Variants in DPP10 observed in about 807,000 individuals in gnomAD.
DPP10 encodes dipeptidyl peptidase like 10, also known as inactive dipeptidyl peptidase 10.
A neutral mutation model predicts 120.9 loss-of-function variants in DPP10; 33 were observed. That is an observed-to-expected ratio of 0.27 (90% CI 0.21 to 0.37). The LOEUF (loss-of-function observed/expected upper bound fraction) is 0.37. DPP10 is among the 10% of genes least tolerant of loss of function. The probability of loss-of-function intolerance (pLI) is 1.00; values close to 1 mark genes in which losing one functional copy is unlikely to be tolerated. For synonymous variants in DPP10, 337 were observed against 326.1 expected (o/e 1.03, Z -0.36); for missense variants, 816 against 942.8 (o/e 0.87, Z 1.76).
At chr2:115,721,068 G>A (rs1227794242) in intron 7 of DPP10, among the ~76,000 whole-genome samples, 1 of 152,186 alleles carries the variant, frequency 6.6e-6, no homozygotes, top group South Asian at 2.1e-4. Flanking sequence ...GGAAGGTGAA[G>A]CTTAGGATTC....
chr2:115,776,918 A>G (rs1390810548), intron 13 of DPP10, among the ~76,000 whole-genome samples: 2 of 152,056 alleles, frequency 1.3e-5, no homozygotes, highest in Admixed American at 6.6e-5. Context: ...GAGAGTGATT[A>G]AAGTCCTACC....
At chr2:115,710,351 T>C (rs960503392) in intron 7 of DPP10, among the ~76,000 whole-genome samples, 3 of 152,132 alleles carry the variant, frequency 2.0e-5, no homozygotes, top group African/African-American at 7.2e-5. Flanking sequence ...GTCTGTATGT[T>C]GTGTGACAAC....
intron 3 of DPP10, among the ~76,000 whole-genome samples, chr2:115,438,129 A>G (rs1040188926): frequency 6.6e-6 from 1 of 152,150 alleles, no homozygotes; most frequent in Non-Finnish European, 1.5e-5. Flanking sequence ...AGCACGTGAA[A>G]AGATGTTAAA....
rs149507303 is a variant in DPP10, at chr2:115,596,555, A to G, written c.441+70583A>G. 2.5e-3 allele frequency among the ~76,000 whole-genome samples: 380 copies of G among 152,286 alleles called. 1 individual carries two copies. The highest frequency in any genetic ancestry group is 8.7e-3 in the African/African-American group (362 of 41,574). On this transcript the variant is annotated intron_variant, in intron 5 of 25. Transcript: ENST00000410059. ...AAGTTTCTCTCCAGTATTTTAGACT[A>G]TCAGTCTCTTGATTACCTGTTTTCT...
At chr2:114,886,943 C>T (rs183786415) in intron 1 of DPP10, among the ~76,000 whole-genome samples, 1 of 152,276 alleles carries the variant, frequency 6.6e-6, no homozygotes, top group African/African-American at 2.4e-5. Context: ...CTGACATTCT[C>T]AGGTTGCATT....
Position 115,268,138 on chromosome 2 carries a change from G to A in DPP10, c.61-41101G>A, listed in dbSNP as rs566642983. Among the ~76,000 whole-genome samples the A allele has an allele frequency of 1.5e-4, 23 of 152,260 alleles. 1 individual carries two copies. The South Asian group carries it at 3.7e-3, about 25-fold the overall frequency. ...GGATGCCTCACTCATTGTTGTATCC[G>A]TATTTGTAACTAACATTTATTGAGT... is the stretch of plus-strand genomic sequence containing the variant. On this transcript the variant is annotated intron_variant, in intron 1 of 25. Transcript: ENST00000410059.
At chr2:115,594,997 A>G (rs1002114396) in intron 5 of DPP10, among the ~76,000 whole-genome samples, 1 of 152,158 alleles carries the variant, frequency 6.6e-6, no homozygotes, top group Admixed American at 6.6e-5. Context: ...ATATGATTTT[A>G]ACATACCAAA....
intron 1 of DPP10, chr2:115,064,533 T>A (rs1191668568): frequency 3.6e-6 from 2 of 561,210 alleles, no homozygotes; most frequent in East Asian, 1.4e-4. Context: ...AAAGTCTGGC[T>A]GATAGGGGGT....
intron 13 of DPP10, among the ~76,000 whole-genome samples, chr2:115,776,607 A>G (rs1041112453): frequency 1.3e-5 from 2 of 152,118 alleles, no homozygotes; most frequent in Non-Finnish European, 2.9e-5. Flanking sequence ...GAATGATAGT[A>G]TTTCTAAGAA....
At chr2:114,454,624 G>A (rs1678464808) in intron 1 of DPP10, among the ~76,000 whole-genome samples, 1 of 152,128 alleles carries the variant, frequency 6.6e-6, no homozygotes, top group Non-Finnish European at 1.5e-5. Flanking sequence ...AATGCTTCCT[G>A]TTCCTTATTA....
intron 1 of DPP10, among the ~76,000 whole-genome samples, chr2:114,909,030 G>C (rs1390090912): frequency 6.6e-6 from 1 of 151,520 alleles, no homozygotes; most frequent in East Asian, 1.9e-4. Flanking sequence ...TTTTTCTTAA[G>C]TTTGAAAGAA....
chr2:115,633,478 G>GT (rs1168919060), intron 5 of DPP10, among the ~76,000 whole-genome samples: 1 of 152,082 alleles, frequency 6.6e-6, no homozygotes, highest in East Asian at 1.9e-4. Flanking sequence ...TATACCTAAT[G>GT]TAAATGACGA....
At chr2:115,782,498 C>CA in intron 17 of DPP10, 99 bp downstream of exon 17, 2 of 1,158,682 alleles carry the variant, frequency 1.7e-6, no homozygotes, top group Non-Finnish European at 2.5e-6. Context: ...AATTCTTCTT[C>CA]AAAAAATCCC....
intron 1 of DPP10, among the ~76,000 whole-genome samples, chr2:114,534,735 C>T (rs1208214914): frequency 6.6e-6 from 1 of 151,464 alleles, no homozygotes; most frequent in Non-Finnish European, 1.5e-5. Context: ...TACGTATCAA[C>T]AATTTTATGG....
intron 3 of DPP10, among the ~76,000 whole-genome samples, chr2:115,350,403 A>G (rs1449799569): frequency 6.6e-6 from 1 of 152,064 alleles, no homozygotes; most frequent in East Asian, 1.9e-4. Flanking sequence ...ATATTTTCCA[A>G]ATTTTCAACA....
At chr2:115,067,317 T>G (rs1166682870) in intron 1 of DPP10, among the ~76,000 whole-genome samples, 1 of 151,824 alleles carries the variant, frequency 6.6e-6, no homozygotes, top group African/African-American at 2.4e-5. Flanking sequence ...GGTGGCGCCA[T>G]CTCTGCTCAC....
At chr2:114,856,082 G>C (rs1689344769) in intron 1 of DPP10, among the ~76,000 whole-genome samples, 1 of 152,012 alleles carries the variant, frequency 6.6e-6, no homozygotes, top group African/African-American at 2.4e-5. Context: ...GAAAAATAAA[G>C]AGAGATCTGA....
In DPP10 at chr2:115,189,934, G is replaced by A. The variant is rs142344403; in HGVS notation, c.61-119305G>A. On this transcript the variant is annotated intron_variant, in intron 1 of 25. Coordinates refer to ENST00000410059, the MANE Select transcript of DPP10 (RefSeq NM_020868.6). The stretch of plus-strand genomic sequence containing the variant: ...TCCTGAGTTTTTGGCTAACTCCTTG[G>A]ACAGAGCAGTTAGACCTTGCAATGC... Among the ~76,000 whole-genome samples, 1,157 of 152,232 alleles carry A rather than the reference G, an allele frequency of 7.6e-3. 11 individuals carry two copies. The highest frequency in any genetic ancestry group is 0.027 in the Middle Eastern group (8 of 294).
At chr2:114,652,797 T>G (rs192289104) in intron 1 of DPP10, among the ~76,000 whole-genome samples, 67 of 152,242 alleles carry the variant, frequency 4.4e-4, no homozygotes, top group African/African-American at 1.6e-3. Flanking sequence ...TCTCACTGAT[T>G]TTAGAGCTTG....
Sources: gnomAD v4.1 joint callset for allele counts (sites outside exome capture counted in the v4.1 genomes callset) on GRCh38, gnomAD v4.1.1 for gene constraint, MANE v1.5 for transcripts, NCBI Gene and HGNC (gene_info 2026-07-23, HGNC 2026-07-21) for gene names.